Variants in SMOC2 observed in about 807,000 individuals in gnomAD.
SMOC2 encodes SPARC-related modular calcium-binding protein 2.
Under a neutral mutation model 61.4 loss-of-function variants are expected in SMOC2, and 39 were observed. That is an observed-to-expected ratio of 0.64 (90% CI 0.49 to 0.83). The LOEUF is 0.83. Ranked by LOEUF, SMOC2 falls within the 40% of genes least tolerant of loss-of-function variation. SMOC2 has a pLI of 0.00. For synonymous variants in SMOC2, 247 were observed against 239.9 expected (o/e 1.03, Z -0.27); for missense variants, 556 against 592.9 (o/e 0.94, Z 0.65).
At chr6:168,660,763 G>A (rs1046311731) in intron 11 of SMOC2, among the ~76,000 whole-genome samples, 8 of 152,246 alleles carry the variant, frequency 5.3e-5, no homozygotes, top group Non-Finnish European at 7.3e-5. Context: ...CCAAAGGCCC[G>A]AGCCGCAGTG....
rs1472175986 is a variant in SMOC2 at position 168,600,919 on chromosome 6, G to C, written c.824+1915G>C. On this transcript the variant is annotated intron_variant, in intron 8 of 12. Coordinates refer to ENST00000356284, the MANE Select transcript of SMOC2 (RefSeq NM_001166412.2). ...AGCTCCTGAAGAACAAGAGCTGTGT[G>C]TTCATGGAAATTGTATAACCGTGAG... 2.0e-5 allele frequency among the ~76,000 whole-genome samples: 3 copies of C among 152,332 alleles called. No individual in the cohort carries two copies. In the East Asian group the frequency reaches 5.8e-4, roughly 29 times the overall value.
intron 1 of SMOC2, among the ~76,000 whole-genome samples, chr6:168,449,939 C>T (rs760198331): frequency 9.9e-5 from 15 of 152,152 alleles, no homozygotes; most frequent in South Asian, 8.3e-4. Context: ...AATCCCATTC[C>T]GACCCTGGTC....
chr6:168,442,177 G>GGC (rs1262812698), intron 1 of SMOC2, among the ~76,000 whole-genome samples: 1 of 152,252 alleles, frequency 6.6e-6, no homozygotes, highest in African/African-American at 2.4e-5. Context: ...CAGAACTGGA[G>GGC]GCAGGCGGCG....
chr6:168,621,782 G>A (rs1003856268), intron 9 of SMOC2, among the ~76,000 whole-genome samples: 4 of 152,154 alleles, frequency 2.6e-5, no homozygotes, highest in South Asian at 2.1e-4. Context: ...CCATGGTCCA[G>A]TCACCTCCAC....
chr6:168,650,536 T>C (rs1404253357), intron 9 of SMOC2, 145 bp from the exon 10 acceptor site: 5 of 632,088 alleles, frequency 7.9e-6, no homozygotes, highest in African/African-American at 1.8e-5. Context: ...TATAATGCAA[T>C]GTGTTTGTGT....
At chr6:168,624,154 G>A (rs1233961058) in intron 9 of SMOC2, among the ~76,000 whole-genome samples, 1 of 152,200 alleles carries the variant, frequency 6.6e-6, no homozygotes, top group African/African-American at 2.4e-5. Flanking sequence ...AACTTAGACG[G>A]TGTCAGCCTA....
chr6:168,465,662 C>G (rs1293442783), intron 1 of SMOC2, among the ~76,000 whole-genome samples: 1 of 150,854 alleles, frequency 6.6e-6, no homozygotes, highest in African/African-American at 2.4e-5. Context: ...AACTGGGGAG[C>G]TCTGGATGAA....
intron 2 of SMOC2, among the ~76,000 whole-genome samples, chr6:168,515,986 G>T (rs1783122513): frequency 6.6e-6 from 1 of 152,206 alleles, no homozygotes; most frequent in Admixed American, 6.5e-5. Flanking sequence ...TCCTGGAGTG[G>T]GCGCTGGCTA....
chr6:168,476,948 C>T (rs1357060364), intron 1 of SMOC2, among the ~76,000 whole-genome samples: 2 of 150,994 alleles, frequency 1.3e-5, no homozygotes, highest in Non-Finnish European at 3.0e-5. Context: ...CTTTATTTCC[C>T]TTGGTTCTCC....
chr6:168,636,988 C>CTCCCTCCTGCTTTCCTCCCTCA, intron 9 of SMOC2, among the ~76,000 whole-genome samples: 1 of 149,966 alleles, frequency 6.7e-6, no homozygotes, highest in African/African-American at 2.5e-5. Context: ...TTCCTCCCTC[C>CTCCCTCCTGCTTTCCTCCCTCA]TCCCGCCTCC....
intron 7 of SMOC2, among the ~76,000 whole-genome samples, chr6:168,571,769 CATTT>C (rs1167517186): frequency 6.6e-6 from 1 of 152,162 alleles, no homozygotes; most frequent in Non-Finnish European, 1.5e-5. Flanking sequence ...GTTGAGTCCT[CATTT>C]GTTTGTTCAC....
chr6:168,455,014 G>A (rs1781552403), intron 1 of SMOC2, among the ~76,000 whole-genome samples: 1 of 152,154 alleles, frequency 6.6e-6, no homozygotes, highest in South Asian at 2.1e-4. Context: ...GGTCTCAGAT[G>A]GGAGCTGTGT....
rs199796090 is a variant in SMOC2 at position 168,599,284 on chromosome 6, C to CCA, written c.824+291_824+292dup. Among the ~76,000 whole-genome samples the CCA allele has an allele frequency of 2.8e-3, 306 of 111,088 alleles. 3 individuals carry two copies. Among genetic ancestry groups the CCA allele is most frequent in the Middle Eastern group, 6.6e-3 (1 of 152 alleles). 72.9% of individuals were successfully genotyped at this position (111,088 alleles called of 152,430 possible). A position where few individuals can be genotyped will look rare whatever the true frequency, so the allele number is the denominator to read the frequency against. On this transcript the variant is annotated intron_variant, in intron 8 of 12. Coordinates refer to ENST00000356284, the MANE Select transcript of SMOC2 (RefSeq NM_001166412.2). ...CACACACACCCACGCTCTCACACAC[C>CCA]CACACACACACATACCACACACACA...
At chr6:168,513,019 ATAAAATG>A (rs1783045637) in intron 2 of SMOC2, among the ~76,000 whole-genome samples, 1 of 7,960 alleles carries the variant, frequency 1.3e-4, no homozygotes, top group Non-Finnish European at 1.8e-3. Flanking sequence ...ATATCTTTCT[ATAAAATG>A]TCCATAAAAG....
At chr6:168,639,082 A>G (rs1253701211) in intron 9 of SMOC2, among the ~76,000 whole-genome samples, 1 of 152,174 alleles carries the variant, frequency 6.6e-6, no homozygotes, top group Non-Finnish European at 1.5e-5. Flanking sequence ...CTTGGTTCCG[A>G]CATCCTAGCA....
chr6:168,520,654 C>T (rs1463276070), intron 2 of SMOC2, among the ~76,000 whole-genome samples: 2 of 152,206 alleles, frequency 1.3e-5, no homozygotes, highest in African/African-American at 4.8e-5. Flanking sequence ...TACCTGTGTC[C>T]CAAAGTTCTC....
chr6:168,550,421 T>G (rs1246892285), intron 7 of SMOC2, among the ~76,000 whole-genome samples: 1 of 152,146 alleles, frequency 6.6e-6, no homozygotes, highest in Non-Finnish European at 1.5e-5. Flanking sequence ...ACACCCAACC[T>G]GAAAAGGACC....
chr6:168,516,707 AT>A (rs1002389671), intron 2 of SMOC2, among the ~76,000 whole-genome samples: 2 of 152,154 alleles, frequency 1.3e-5, no homozygotes, highest in African/African-American at 4.8e-5. Context: ...ACATGCTGTT[AT>A]TATTAAGATT....
chr6:168,472,958 G>C (rs1161320806), intron 1 of SMOC2, among the ~76,000 whole-genome samples: 1 of 151,940 alleles, frequency 6.6e-6, no homozygotes. Flanking sequence ...ATGCGTCTGT[G>C]ATGCTACAGC....
Sources: gnomAD v4.1 joint callset for allele counts (sites outside exome capture counted in the v4.1 genomes callset) on GRCh38, gnomAD v4.1.1 for gene constraint, MANE v1.5 for transcripts, NCBI Gene and HGNC (gene_info 2026-07-23, HGNC 2026-07-21) for gene names.